Variants in CORO2B observed in about 807,000 individuals in gnomAD.
The protein encoded by CORO2B is coronin-2B.
Under a neutral mutation model 58.8 loss-of-function variants are expected in CORO2B, and 26 were observed. The ratio of observed to expected loss-of-function variants is 0.44; its 90% CI spans 0.32 to 0.61. CORO2B has a LOEUF of 0.61. Among genes scored for constraint, CORO2B ranks in the 20% least tolerant of loss-of-function variants. CORO2B has a pLI of 0.04. For synonymous variants in CORO2B, 242 were observed against 253.8 expected (o/e 0.95, Z 0.44); for missense variants, 460 against 645.1 (o/e 0.71, Z 3.11).
intron 1 of CORO2B, among the ~76,000 whole-genome samples, chr15:68,641,254 C>T (rs546094527): frequency 4.6e-5 from 7 of 152,316 alleles, no homozygotes; most frequent in South Asian, 2.1e-4. Context: ...CTGCTCACCC[C>T]GAGCCTGAGC....
intron 1 of CORO2B, among the ~76,000 whole-genome samples, chr15:68,614,765 G>A (rs575745004): frequency 2.0e-5 from 3 of 152,288 alleles, no homozygotes; most frequent in South Asian, 4.1e-4. Flanking sequence ...GGGCTGCAGC[G>A]GGCCCTTTAT....
At chr15:68,548,189 A>ATGTGTG in the CORO2B span, among the ~76,000 whole-genome samples, 1 of 145,066 alleles carries the variant, frequency 6.9e-6, no homozygotes, top group African/African-American at 2.6e-5. Flanking sequence ...ATATATATAT[A>ATGTGTG]TGTGTGTGTG....
chr15:68,544,775 C>CT, the CORO2B span, among the ~76,000 whole-genome samples: 1,388 of 140,810 alleles, frequency 9.9e-3, 22 homozygotes, highest in African/African-American at 0.033. Flanking sequence ...CATACACATT[C>CT]TTTTTTTTTT....
intron 7 of CORO2B, among the ~76,000 whole-genome samples, chr15:68,714,982 C>T (rs1200326229): frequency 1.3e-5 from 2 of 152,160 alleles, no homozygotes; most frequent in Non-Finnish European, 2.9e-5. Flanking sequence ...CCTTGTTTGT[C>T]AGAAAGGCTG....
intron 11 of CORO2B, among the ~76,000 whole-genome samples, chr15:68,722,145 TCAGTTC>T (rs1354190424): frequency 2.0e-5 from 3 of 152,208 alleles, no homozygotes; most frequent in Admixed American, 2.0e-4. Flanking sequence ...GGGCCTGAGC[TCAGTTC>T]TGGCACTGGG....
At chr15:68,694,850 G>C (rs1378223719) in intron 2 of CORO2B, among the ~76,000 whole-genome samples, 11 of 152,194 alleles carry the variant, frequency 7.2e-5, no homozygotes, top group Non-Finnish European at 1.3e-4. Context: ...ACTTGATGCA[G>C]GGGCACCTTT....
intron 1 of CORO2B, among the ~76,000 whole-genome samples, chr15:68,641,908 A>G (rs1394833135): frequency 1.3e-5 from 2 of 151,906 alleles, no homozygotes; most frequent in African/African-American, 2.4e-5. Context: ...TGTTTTTGGT[A>G]TAGAGACAGG....
chr15:68,584,566 C>T (rs1261229022), intron 1 of CORO2B, among the ~76,000 whole-genome samples: 1 of 152,200 alleles, frequency 6.6e-6, no homozygotes, highest in Non-Finnish European at 1.5e-5. Context: ...GAAGCAGACA[C>T]AGCCTCCGCC....
intron 2 of CORO2B, among the ~76,000 whole-genome samples, chr15:68,649,443 T>G (rs1901563744): frequency 6.6e-6 from 1 of 152,112 alleles, no homozygotes; most frequent in Non-Finnish European, 1.5e-5. Context: ...GGTCCATCAT[T>G]AAGGAAATGG....
At chr15:68,635,080 C>T (rs1271669206) in intron 1 of CORO2B, among the ~76,000 whole-genome samples, 1 of 152,194 alleles carries the variant, frequency 6.6e-6, no homozygotes, top group African/African-American at 2.4e-5. Flanking sequence ...AGGCAGATGA[C>T]CTGGGGCTCG....
chr15:68,631,236 G>T (rs1237340311), intron 1 of CORO2B, among the ~76,000 whole-genome samples: 2 of 152,214 alleles, frequency 1.3e-5, no homozygotes, highest in Non-Finnish European at 2.9e-5. Flanking sequence ...CCCGTCAGTG[G>T]GTTATGGATG....
chr15:68,625,630 G>C (rs1900655552), intron 1 of CORO2B, among the ~76,000 whole-genome samples: 2 of 151,644 alleles, frequency 1.3e-5, no homozygotes, highest in African/African-American at 2.4e-5. Context: ...TTTGAGACAG[G>C]GTCTTGCTTT....
At chr15:68,694,868 T>C (rs1184018845) in intron 2 of CORO2B, among the ~76,000 whole-genome samples, 1 of 152,188 alleles carries the variant, frequency 6.6e-6, no homozygotes. Flanking sequence ...TTTTCCTTAT[T>C]TGCAGAGGTG....
the CORO2B span, among the ~76,000 whole-genome samples, chr15:68,560,192 CTG>C: frequency 6.6e-6 from 1 of 152,252 alleles, no homozygotes; most frequent in Non-Finnish European, 1.5e-5. Context: ...AGGCTGCTAA[CTG>C]TGCTCCCTAC....
chr15:68,594,847 C>T (rs1327483289), intron 1 of CORO2B, among the ~76,000 whole-genome samples: 1 of 152,212 alleles, frequency 6.6e-6, no homozygotes, highest in African/African-American at 2.4e-5. Context: ...ACATACTTTC[C>T]TGGCGAATCC....
intron 2 of CORO2B, among the ~76,000 whole-genome samples, chr15:68,667,568 A>G (rs922943824): frequency 6.6e-6 from 1 of 152,206 alleles, no homozygotes; most frequent in Admixed American, 6.5e-5. Flanking sequence ...CCAAAGCCCC[A>G]CATCTGCCTG....
At chr15:68,687,020 A>G (rs1038629058) in intron 2 of CORO2B, among the ~76,000 whole-genome samples, 2 of 152,176 alleles carry the variant, frequency 1.3e-5, no homozygotes, top group Admixed American at 6.5e-5. Flanking sequence ...TTGTTCTGGC[A>G]TTGCCATCTC....
chr15:68,558,292 C>G, the CORO2B span, among the ~76,000 whole-genome samples: 6 of 152,172 alleles, frequency 3.9e-5, no homozygotes, highest in Non-Finnish European at 5.9e-5. Context: ...CCCTGCCTGG[C>G]AGGCCCAGGG....
chr15:68,593,103 T>G (rs190048024), intron 1 of CORO2B, among the ~76,000 whole-genome samples: 1 of 152,276 alleles, frequency 6.6e-6, no homozygotes, highest in East Asian at 1.9e-4. Flanking sequence ...ACTCATTCTT[T>G]CATCAGGAGC....
Sources: gnomAD v4.1 joint callset for allele counts (sites outside exome capture counted in the v4.1 genomes callset) on GRCh38, gnomAD v4.1.1 for gene constraint, MANE v1.5 for transcripts, NCBI Gene and HGNC (gene_info 2026-07-23, HGNC 2026-07-21) for gene names.